The following STMN3 variants were observed in gnomAD, a reference collection of about 807,000 sequenced individuals.
STMN3 encodes stathmin 3.
STMN3 carries 24 observed loss-of-function variants against 23.2 expected under a neutral mutation model. The observed-to-expected ratio is 1.03, with a 90% CI of 0.75 to 1.45. STMN3 has a LOEUF of 1.45. Ranked by LOEUF, STMN3 falls within the 40% of genes most tolerant of loss-of-function variation. STMN3 has a pLI of 0.00. For synonymous variants in STMN3, 117 were observed against 103.4 expected (o/e 1.13, Z -0.80); for missense variants, 235 against 237.6 (o/e 0.99, Z 0.07).
At position 63,652,569 on chromosome 20, in the gene STMN3, C is replaced by T. The variant is rs2089869059; in HGVS notation, c.19+758G>A. The T allele has an allele frequency of 1.0e-6, 1 of 985,086 alleles. No homozygotes were observed. The highest frequency in any genetic ancestry group is 6.1e-5 in the Admixed American group (1 of 16,264). 61.0% of individuals were successfully genotyped at this position (985,086 alleles called of 1,614,324 possible). ...ACGGGCCGGGAGGCCGGGGTGGGCG[C>T]TACCTTCGAAGGCGGTGGGTCCGCC... is the stretch of plus-strand genomic sequence containing the variant. On this transcript the variant is annotated intron_variant, in intron 1 of 4. Coordinates refer to ENST00000370053, the MANE Select transcript of STMN3 (RefSeq NM_015894.4). The surrounding 1 kb of genome is among the most constrained non-coding windows in gnomAD (Gnocchi z 5.3).
At chr20:63,642,348 C>G in intron 3 of STMN3, 49 bp from the exon 4 acceptor site, 1 of 1,325,008 alleles carries the variant, frequency 7.5e-7, no homozygotes. Flanking sequence ...GGGCCCTGCC[C>G]GGCCGGACTC....
In STMN3 at chr20:63,640,044, C is replaced by CA. The variant is rs1465660899; in HGVS notation, c.*1293dup. 1 of 153,000 alleles carries CA rather than the reference C, an allele frequency of 6.5e-6. No individual in the cohort carries two copies. The highest frequency in any genetic ancestry group is 1.5e-5 in the Non-Finnish European group (1 of 68,284). The allele number at this position is 153,000 out of a possible 1,614,324, so 9.5% of individuals were successfully genotyped here. On this transcript the variant is annotated 3_prime_UTR_variant, in exon 5 of 5. Transcript: ENST00000370053. The stretch of plus-strand genomic sequence containing the variant: ...TGGGTGTGACTCTGGAAGACACTGG[C>CA]AGTGCCCGGCCAAGGCCTCCCGCAG...
At chr20:63,646,390 T>C (rs562998115) in intron 1 of STMN3, among the ~76,000 whole-genome samples, 2 of 152,200 alleles carry the variant, frequency 1.3e-5, no homozygotes, top group Admixed American at 1.3e-4. Flanking sequence ...AGTCTTGCAC[T>C]GTTGCCCAGG....
intron 1 of STMN3, among the ~76,000 whole-genome samples, chr20:63,646,333 G>A (rs1453067256): frequency 2.0e-5 from 3 of 152,012 alleles, no homozygotes; most frequent in African/African-American, 7.3e-5. Flanking sequence ...CCTCACAGGG[G>A]ACTTTGGTCT....
rs2089752623 is a variant in STMN3 at position 63,640,709 on chromosome 20, C to T, written c.*629G>A. Reference sequence around the variant, plus strand: ...TCCCCAGCAGACTCAGGGCAGGCCCCCAACTGCAGGCTTCCAGGAAGGCCC... The same window carrying T: ...TCCCCAGCAGACTCAGGGCAGGCCCTCAACTGCAGGCTTCCAGGAAGGCCC... On this transcript the variant is annotated 3_prime_UTR_variant, in exon 5 of 5. Coordinates refer to ENST00000370053, the MANE Select transcript of STMN3 (RefSeq NM_015894.4). 3 of 176,268 alleles carry T rather than the reference C, an allele frequency of 1.7e-5. No individual in the cohort carries two copies. Among genetic ancestry groups the T allele is most frequent in the Non-Finnish European group, 3.7e-5 (3 of 81,832 alleles). 10.9% of individuals were successfully genotyped at this position (176,268 alleles called of 1,614,324 possible). A position where few individuals can be genotyped will look rare whatever the true frequency, so the allele number is the denominator to read the frequency against.
At chr20:63,641,539 A>T in intron 4 of STMN3, 142 bp from the exon 5 acceptor site, 1 of 643,212 alleles carries the variant, frequency 1.6e-6, no homozygotes, top group Non-Finnish European at 2.7e-6. Flanking sequence ...GACTGAGTTG[A>T]GGGGGCGGGA....
intron 1 of STMN3, among the ~76,000 whole-genome samples, chr20:63,651,995 C>A (rs3787104): frequency 0.25 from 38,256 of 151,664 alleles, 5,342 homozygotes; most frequent in South Asian, 0.35. Flanking sequence ...GGAGGGGAGT[C>A]CCCTCCGCTG....
At chr20:63,647,490 C>T (rs2089818094) in intron 1 of STMN3, among the ~76,000 whole-genome samples, 1 of 150,650 alleles carries the variant, frequency 6.6e-6, no homozygotes, top group Non-Finnish European at 1.5e-5. Context: ...GTGGCGGGCA[C>T]GTGTAGTCCC....
In STMN3 at chr20:63,642,055, C is replaced by G. The variant is rs1601054158; in HGVS notation, c.483+53G>C. 28 of 1,116,236 alleles carry G rather than the reference C, an allele frequency of 2.5e-5. No individual in the cohort carries two copies. The East Asian group carries it at 1.4e-3, about 55-fold the overall frequency. The allele number at this position is 1,116,236 out of a possible 1,614,324, so 69.1% of individuals were successfully genotyped here. ...CTGCCCGCTCCGAGCTTCGCCCCGG[C>G]CCCGCCCCGGCCCCTGCCCGCTCCG... On this transcript the variant is annotated intron_variant, in intron 4 of 4. Coordinates refer to ENST00000370053, the MANE Select transcript of STMN3 (RefSeq NM_015894.4).
intron 1 of STMN3, among the ~76,000 whole-genome samples, chr20:63,649,675 C>T (rs1200649761): frequency 6.6e-6 from 1 of 151,992 alleles, no homozygotes; most frequent in African/African-American, 2.4e-5. Flanking sequence ...GGACTACAGG[C>T]GCCCGCCACC....
intron 1 of STMN3, among the ~76,000 whole-genome samples, chr20:63,649,268 G>A (rs1216266692): frequency 1.3e-5 from 2 of 152,166 alleles, no homozygotes; most frequent in East Asian, 3.8e-4. Flanking sequence ...GATTGGAGGG[G>A]GCAGGACAGC....
In STMN3 at chr20:63,641,375, C is replaced by T; in HGVS notation, c.506G>A (p.Arg169His). ...REKELHAAEV[R>H]RNKEQREEMS... ...CTCTTCTCGCTGCTCCTTGTTCCTG[C>T]GCACCTCGGCCGCGTGCAGCTCCTG... Residue 169 changes from arginine (R) to histidine (H), a missense_variant, in exon 5 of 5, where the codon CGC becomes CAC. Transcript: ENST00000370053. 1 of 1,568,840 alleles carries T rather than the reference C, an allele frequency of 6.4e-7. No homozygotes were observed.
chr20:63,647,947 T>TATTAATATATATAC (rs1292440563), intron 1 of STMN3, among the ~76,000 whole-genome samples: 1 of 82,138 alleles, frequency 1.2e-5, no homozygotes, highest in African/African-American at 5.2e-5. Flanking sequence ...TGTGTGTGTG[T>TATTAATATATATAC]GTATATATAT....
At chr20:63,647,649 CAT>C (rs558482604) in intron 1 of STMN3, among the ~76,000 whole-genome samples, 20 of 133,074 alleles carry the variant, frequency 1.5e-4, no homozygotes, top group Non-Finnish European at 2.6e-4. Context: ...TATATATATA[CAT>C]GTATATATAT....
chr20:63,650,416 C>T (rs2089848896), intron 1 of STMN3, among the ~76,000 whole-genome samples: 1 of 152,006 alleles, frequency 6.6e-6, no homozygotes, highest in Non-Finnish European at 1.5e-5. Context: ...TGCCCGCTCC[C>T]AGGGTCACAC....
intron 4 of STMN3, 100 bp from the exon 5 acceptor site, chr20:63,641,497 G>A: frequency 2.1e-6 from 2 of 966,346 alleles, no homozygotes; most frequent in Non-Finnish European, 3.1e-6. Context: ...CACCCGCCCG[G>A]CCTCATCCGG....
At position 63,640,770 on chromosome 20, in the gene STMN3, C is replaced by G. The variant is rs1279428814; in HGVS notation, c.*568G>C. On this transcript the variant is annotated 3_prime_UTR_variant, in exon 5 of 5. Coordinates refer to ENST00000370053, the MANE Select transcript of STMN3 (RefSeq NM_015894.4). Reference sequence around the variant, plus strand: ...CCTCACGCCAGGTGGTCTCAGAGGACCCCTGTGCAACCACATTAAGGAAAG... The same window carrying G: ...CCTCACGCCAGGTGGTCTCAGAGGAGCCCTGTGCAACCACATTAAGGAAAG... The G allele has an allele frequency of 1.0e-5, 2 of 200,362 alleles. No homozygotes were observed. The highest frequency in any genetic ancestry group is 2.1e-5 in the Non-Finnish European group (2 of 95,954). The allele number at this position is 200,362 out of a possible 1,614,324, so 12.4% of individuals were successfully genotyped here. A position where few individuals can be genotyped will look rare whatever the true frequency, so the allele number is the denominator to read the frequency against.
intron 4 of STMN3, among the ~76,000 whole-genome samples, chr20:63,641,754 G>C (rs1268757146): frequency 2.0e-5 from 3 of 151,592 alleles, no homozygotes; most frequent in African/African-American, 4.8e-5. Context: ...GGGACGCCCA[G>C]TAAACACGGG....
intron 1 of STMN3, among the ~76,000 whole-genome samples, chr20:63,646,719 G>T (rs933551919): frequency 6.6e-6 from 1 of 151,842 alleles, no homozygotes; most frequent in South Asian, 2.1e-4. Context: ...GCAGCTGTGC[G>T]GTTCACTGCA....
Sources: allele counts gnomAD v4.1 joint callset (sites outside exome capture counted in the v4.1 genomes callset), GRCh38; gene constraint gnomAD v4.1.1; non-coding constraint Gnocchi (gnomAD v3.1); transcripts MANE v1.5; gene names NCBI Gene and HGNC (gene_info 2026-07-23, HGNC 2026-07-21).